The following RBFOX1 variants were observed in gnomAD, a reference collection of about 807,000 sequenced individuals.
RBFOX1 encodes the protein RNA binding fox-1 homolog 1.
In RBFOX1, 8 loss-of-function variants were observed where a neutral mutation model predicts 57.7. That is an observed-to-expected ratio of 0.14 (90% CI 0.08 to 0.25). The LOEUF (loss-of-function observed/expected upper bound fraction) is 0.25. Among genes scored for constraint, RBFOX1 ranks in the 10% least tolerant of loss-of-function variants. The pLI is 1.00. For missense variants in RBFOX1, 611 were observed against 548.5 expected (o/e 1.11, Z -1.14); for synonymous variants, 326 against 222.4 (o/e 1.47, Z -4.15).
At chr16:5,391,037 G>A (rs1258592325) in intron 1 of RBFOX1, among the ~76,000 whole-genome samples, 1 of 152,170 alleles carries the variant, frequency 6.6e-6, no homozygotes, top group Non-Finnish European at 1.5e-5. Flanking sequence ...AGGGTACAGT[G>A]TCTTCTTACT....
intron 2 of RBFOX1, among the ~76,000 whole-genome samples, chr16:5,513,344 G>C (rs2151727752): frequency 6.6e-6 from 1 of 152,306 alleles, no homozygotes; most frequent in East Asian, 1.9e-4. Flanking sequence ...TTGGGAGGAA[G>C]ACTGTGGAGA....
chr16:5,827,284 C>T (rs559959661), intron 3 of RBFOX1, among the ~76,000 whole-genome samples: 14 of 151,572 alleles, frequency 9.2e-5, no homozygotes, highest in African/African-American at 3.2e-4. Context: ...CCAGTAATCC[C>T]AGCTACTAGG....
At chr16:6,600,040 G>A (rs1047590440) in intron 2 of RBFOX1, among the ~76,000 whole-genome samples, 7 of 152,166 alleles carry the variant, frequency 4.6e-5, no homozygotes, top group African/African-American at 1.4e-4. Flanking sequence ...GCATCTGGGT[G>A]GCACTGCTGG....
chr16:6,309,337 TGAGCGTCTAAGGATTTCTTTG>T (rs2079951422), intron 1 of RBFOX1, among the ~76,000 whole-genome samples: 1 of 152,212 alleles, frequency 6.6e-6, no homozygotes, highest in Admixed American at 6.5e-5. Context: ...GCCTTGAATC[TGAGCGTCTAAGGATTTCTTTG>T]GAGTACACAC....
chr16:7,302,115 TGCCTAG>T (rs1425735108), intron 4 of RBFOX1, among the ~76,000 whole-genome samples: 11 of 152,146 alleles, frequency 7.2e-5, no homozygotes, highest in Non-Finnish European at 1.6e-4. Context: ...GATGAACTTC[TGCCTAG>T]GGCTAAAGGG....
chr16:6,586,118 A>G (rs180984936), intron 2 of RBFOX1, among the ~76,000 whole-genome samples: 1 of 152,342 alleles, frequency 6.6e-6, no homozygotes, highest in Admixed American at 6.5e-5. Flanking sequence ...ATCAGAAGCA[A>G]TGTTTGTTAT....
At chr16:7,012,665 A>C (rs927632804) in intron 3 of RBFOX1, among the ~76,000 whole-genome samples, 1 of 152,166 alleles carries the variant, frequency 6.6e-6, no homozygotes, top group Admixed American at 6.5e-5. Context: ...ATTATGGGAC[A>C]ATTAATTTTA....
rs146145796 is a variant in RBFOX1 at position 6,878,183 on chromosome 16, A to G, written c.-15-173874A>G. 2.8e-3 allele frequency among the ~76,000 whole-genome samples: 428 copies of G among 152,268 alleles called. 5 individuals carry two copies. The highest frequency in any genetic ancestry group is 1.0e-2 in the African/African-American group (414 of 41,546). On this transcript the variant is annotated intron_variant, in intron 3 of 15. Coordinates refer to ENST00000550418, the MANE Select transcript of RBFOX1 (RefSeq NM_018723.4). Reference sequence around the variant, plus strand: ...TGTAAATACTTCCACTTCCCCAAGCAATATATTGTATGGTCACCATGCAGG... The same window carrying G: ...TGTAAATACTTCCACTTCCCCAAGCGATATATTGTATGGTCACCATGCAGG...
intron 1 of RBFOX1, among the ~76,000 whole-genome samples, chr16:6,233,464 A>C (rs940185957): frequency 5.3e-5 from 8 of 152,096 alleles, no homozygotes; most frequent in Non-Finnish European, 1.2e-4. Context: ...ATATTACCCC[A>C]TAGGCAGCCT....
chr16:7,063,974 T>A (rs1315931291), intron 4 of RBFOX1, among the ~76,000 whole-genome samples: 2 of 152,164 alleles, frequency 1.3e-5, no homozygotes, highest in Non-Finnish European at 2.9e-5. Context: ...TCCATGGATA[T>A]GGAGGAACAA....
At chr16:6,647,328 T>G (rs10431960) in intron 2 of RBFOX1, among the ~76,000 whole-genome samples, 2 of 152,274 alleles carry the variant, frequency 1.3e-5, no homozygotes, top group South Asian at 4.1e-4. Context: ...TCGCTGCAAC[T>G]TCCGCCTCCT....
At chr16:5,533,581 C>A (rs1216956731) in intron 2 of RBFOX1, among the ~76,000 whole-genome samples, 3 of 152,138 alleles carry the variant, frequency 2.0e-5, no homozygotes, top group Non-Finnish European at 4.4e-5. Context: ...GGCTGAAATC[C>A]CTCCTGGGCC....
rs2083899644 is a variant in RBFOX1, at chr16:7,710,843, CTAAAAAAA to C, written c.*99_*106del. The C allele has an allele frequency of 1.3e-6, 1 of 758,772 alleles. No homozygotes were observed. The highest frequency in any genetic ancestry group is 3.6e-5 in the African/African-American group (1 of 27,992). The allele number at this position is 758,772 out of a possible 1,614,324, so 47.0% of individuals were successfully genotyped here. On this transcript the variant is annotated 3_prime_UTR_variant, in exon 16 of 16. Transcript: ENST00000550418. ...GCAGTAGTACATCATTTTAGCAACT[CTAAAAAAA>C]AAAAAAATACAAATAAAAAGGAAAA...
Position 5,654,798 on chromosome 16 carries a change from T to TCTCTATCTGTCCCTCGCTCTCTCCCC in RBFOX1, c.318+55841_318+55842insATCTGTCCCTCGCTCTCTCCCCCTCT, listed in dbSNP as rs747600291. ...CTCCTTCTTCCTTCTTTCCTCTCTC[T>TCTCTATCTGTCCCTCGCTCTCTCCCC]CTCTCTCTGTCCCTCGCTCTCTCCC... On this transcript the variant is annotated intron_variant, in intron 3 of 19. Transcript: ENST00000641259. Among the ~76,000 whole-genome samples the TCTCTATCTGTCCCTCGCTCTCTCCCC allele has an allele frequency of 2.3e-3, 345 of 152,124 alleles. 1 individual carries two copies. Among genetic ancestry groups the TCTCTATCTGTCCCTCGCTCTCTCCCC allele is most frequent in the Non-Finnish European group, 4.0e-3 (273 of 67,976 alleles).
intron 4 of RBFOX1, among the ~76,000 whole-genome samples, chr16:5,955,283 C>CAATAATATAAAATAAAATAA (rs1567187333): frequency 3.6e-5 from 4 of 111,594 alleles, no homozygotes; most frequent in African/African-American, 1.5e-4. Flanking sequence ...CTCTGTCTCC[C>CAATAATATAAAATAAAATAA]AATAAAATAA....
chr16:6,113,192 A>G (rs767233285), intron 1 of RBFOX1, among the ~76,000 whole-genome samples: 2 of 152,190 alleles, frequency 1.3e-5, no homozygotes, highest in African/African-American at 2.4e-5. Context: ...TCCTTAGACC[A>G]GAGACTTCTT....
intron 1 of RBFOX1, among the ~76,000 whole-genome samples, chr16:6,194,831 T>A (rs1785270125): frequency 6.6e-6 from 1 of 152,248 alleles, no homozygotes; most frequent in Admixed American, 6.5e-5. Flanking sequence ...GCTTTATGTT[T>A]ATCTCTATCC....
chr16:7,467,816 T>C (rs2060805748), intron 4 of RBFOX1, among the ~76,000 whole-genome samples: 1 of 152,234 alleles, frequency 6.6e-6, no homozygotes, highest in African/African-American at 2.4e-5. Flanking sequence ...ACTTCAGTCT[T>C]TACAGAGTCC....
chr16:6,530,534 C>T (rs1410225566), intron 2 of RBFOX1, among the ~76,000 whole-genome samples: 1 of 152,148 alleles, frequency 6.6e-6, no homozygotes, highest in Non-Finnish European at 1.5e-5. Flanking sequence ...GCAGGGGCTT[C>T]TTTGCTCCTT....
Sources: allele counts gnomAD v4.1 joint callset (sites outside exome capture counted in the v4.1 genomes callset), GRCh38; gene constraint gnomAD v4.1.1; transcripts MANE v1.5; gene names NCBI Gene and HGNC (gene_info 2026-07-23, HGNC 2026-07-21).